The following CSMD1 variants were observed in gnomAD, a reference collection of about 807,000 sequenced individuals.
CSMD1 encodes the protein CUB and Sushi multiple domains 1, also known as CUB and sushi domain-containing protein 1.
CSMD1 carries 213 observed loss-of-function variants against 417.5 expected under a neutral mutation model. That is an observed-to-expected ratio of 0.51 (90% CI 0.46 to 0.57). The LOEUF (loss-of-function observed/expected upper bound fraction) is 0.57, where lower values mean the gene tolerates loss of function less well. CSMD1 is among the 20% of genes least tolerant of loss of function. CSMD1 has a pLI of 0.00. For missense variants in CSMD1, 6,923 were observed against 4,529.7 expected, an observed-to-expected ratio of 1.53 and a Z score of -15.17; for synonymous variants, 2,862 against 1,736.8, an observed-to-expected ratio of 1.65 and a Z score of -16.11.
chr8:4,828,875 A>G (rs1267915084), intron 1 of CSMD1, among the ~76,000 whole-genome samples: 1 of 152,114 alleles, frequency 6.6e-6, no homozygotes, highest in Non-Finnish European at 1.5e-5. Flanking sequence ...AATAATCATG[A>G]TATGCGTTCC....
chr8:4,205,137 T>G (rs924404792), intron 3 of CSMD1, among the ~76,000 whole-genome samples: 11 of 152,214 alleles, frequency 7.2e-5, no homozygotes, highest in African/African-American at 2.2e-4. Context: ...ATCTCAACTC[T>G]GTTGAATGAA....
chr8:3,478,447 T>C (rs1817550156), intron 11 of CSMD1, among the ~76,000 whole-genome samples: 1 of 152,168 alleles, frequency 6.6e-6, no homozygotes, highest in African/African-American at 2.4e-5. Context: ...CTTCCCCCTC[T>C]GTGTAAAACA....
intron 3 of CSMD1, among the ~76,000 whole-genome samples, chr8:4,254,498 T>C (rs1803310125): frequency 6.6e-6 from 1 of 152,172 alleles, no homozygotes; most frequent in Admixed American, 6.5e-5. Flanking sequence ...ATTACTTTTT[T>C]ATACAAATAA....
At chr8:3,388,752 G>A (rs890355036) in intron 17 of CSMD1, among the ~76,000 whole-genome samples, 10 of 152,204 alleles carry the variant, frequency 6.6e-5, no homozygotes, top group African/African-American at 2.4e-4. Flanking sequence ...CCTTGCTGCT[G>A]CGCAGTATGG....
intron 10 of CSMD1, among the ~76,000 whole-genome samples, chr8:3,504,737 G>T (rs1796752255): frequency 6.6e-6 from 1 of 152,080 alleles, no homozygotes; most frequent in Non-Finnish European, 1.5e-5. Context: ...TGCAGTAGTG[G>T]TATTTTGCTT....
intron 50 of CSMD1, among the ~76,000 whole-genome samples, chr8:3,049,583 G>A (rs979832916): frequency 5.3e-5 from 8 of 151,850 alleles, no homozygotes; most frequent in African/African-American, 1.9e-4. Flanking sequence ...GTTGGATGCA[G>A]GAAGGCGTGA....
intron 3 of CSMD1, among the ~76,000 whole-genome samples, chr8:4,252,587 A>G (rs921889022): frequency 2.0e-5 from 3 of 152,190 alleles, no homozygotes; most frequent in Admixed American, 6.5e-5. Flanking sequence ...CACAATGTCT[A>G]CTCTCAGAAA....
At chr8:4,737,134 C>T (rs576341899) in intron 1 of CSMD1, among the ~76,000 whole-genome samples, 2 of 150,676 alleles carry the variant, frequency 1.3e-5, no homozygotes, top group Non-Finnish European at 2.9e-5. Flanking sequence ...TACATCCATA[C>T]CATGGAATAT....
At chr8:3,933,787 A>G (rs1022024520) in intron 5 of CSMD1, among the ~76,000 whole-genome samples, 3 of 152,172 alleles carry the variant, frequency 2.0e-5, no homozygotes, top group Non-Finnish European at 4.4e-5. Flanking sequence ...TGCTATATTT[A>G]TTTTTATAAT....
At chr8:4,118,402 C>G (rs1199031016) in intron 3 of CSMD1, among the ~76,000 whole-genome samples, 3 of 127,158 alleles carry the variant, frequency 2.4e-5, no homozygotes, top group Non-Finnish European at 3.5e-5. Context: ...AAGAAATTTA[C>G]AAAAAAAAAA....
chr8:4,931,837 G>C (rs1026954571), intron 1 of CSMD1, among the ~76,000 whole-genome samples: 1 of 152,138 alleles, frequency 6.6e-6, no homozygotes, highest in Non-Finnish European at 1.5e-5. Flanking sequence ...TTAAAATGCA[G>C]TATATTTTTA....
At chr8:4,346,361 C>G (rs546796063) in intron 3 of CSMD1, among the ~76,000 whole-genome samples, 1 of 152,154 alleles carries the variant, frequency 6.6e-6, no homozygotes, top group Non-Finnish European at 1.5e-5. Flanking sequence ...TATTTCCATA[C>G]GATCTGCGGC....
intron 33 of CSMD1, among the ~76,000 whole-genome samples, chr8:3,193,801 G>T (rs983919016): frequency 6.6e-6 from 1 of 152,162 alleles, no homozygotes; most frequent in East Asian, 1.9e-4. Context: ...GCGCAAATGT[G>T]TGCTCATCTG....
chr8:4,554,577 A>G (rs1287964570), intron 2 of CSMD1, among the ~76,000 whole-genome samples: 1 of 152,212 alleles, frequency 6.6e-6, no homozygotes, highest in African/African-American at 2.4e-5. Flanking sequence ...GCGAAGCTGT[A>G]TATGACATTT....
intron 3 of CSMD1, among the ~76,000 whole-genome samples, chr8:4,316,735 T>A (rs1373871539): frequency 6.6e-6 from 1 of 152,030 alleles, no homozygotes; most frequent in Non-Finnish European, 1.5e-5. Flanking sequence ...GAACGATAGT[T>A]AAATAAGAAA....
intron 1 of CSMD1, among the ~76,000 whole-genome samples, chr8:4,935,275 C>T (rs1392621226): frequency 6.6e-6 from 1 of 152,170 alleles, no homozygotes; most frequent in African/African-American, 2.4e-5. Context: ...TATCCTCAAC[C>T]TGAAATTGTT....
chr8:2,998,524 G>C (rs958177956), intron 53 of CSMD1, among the ~76,000 whole-genome samples: 1 of 152,188 alleles, frequency 6.6e-6, no homozygotes, highest in African/African-American at 2.4e-5. Context: ...AAAAATTCTT[G>C]TATTAATCAT....
rs570524396 is a variant in CSMD1 at position 3,870,907 on chromosome 8, T to C, written c.819-116865A>G. On this transcript the variant is annotated intron_variant, in intron 5 of 69. Transcript: ENST00000635120. ...ATGTTCCGTTTGCTAGCTTTTCTTC[T>C]TTTATTGCATGTACATAGCTTTTTA... Among the ~76,000 whole-genome samples the C allele has an allele frequency of 2.2e-3, 334 of 152,206 alleles. 2 individuals carry two copies. Among genetic ancestry groups the C allele is most frequent in the African/African-American group, 7.9e-3 (327 of 41,572 alleles).
chr8:4,240,328 G>C (rs750423194), intron 3 of CSMD1, among the ~76,000 whole-genome samples: 38 of 152,262 alleles, frequency 2.5e-4, no homozygotes, highest in Non-Finnish European at 4.7e-4. Flanking sequence ...TTCTGGTGTT[G>C]CTGCATCTTT....
Sources: gnomAD v4.1 joint callset for allele counts (sites outside exome capture counted in the v4.1 genomes callset) on GRCh38, gnomAD v4.1.1 for gene constraint, MANE v1.5 for transcripts, NCBI Gene and HGNC (gene_info 2026-07-23, HGNC 2026-07-21) for gene names.